The following AKT3 variants were observed in gnomAD, a reference collection of about 807,000 sequenced individuals.
AKT3 encodes AKT serine/threonine kinase 3.
AKT3 carries 15 observed loss-of-function variants against 65.3 expected under a neutral mutation model. That is an observed-to-expected ratio of 0.23 (90% confidence interval 0.15 to 0.35). The LOEUF (loss-of-function observed/expected upper bound fraction) is 0.35. Ranked by LOEUF, AKT3 falls within the 10% of genes least tolerant of loss-of-function variation. The pLI is 1.00. For missense variants in AKT3, 243 were observed against 576.5 expected (o/e 0.42, Z 5.92); for synonymous variants, 206 against 183.8 (o/e 1.12, Z -0.98).
chr1:243,492,364 C>T (rs1165051367), intron 13 of AKT3, among the ~76,000 whole-genome samples: 2 of 117,306 alleles, frequency 1.7e-5, no homozygotes, highest in African/African-American at 6.6e-5. Flanking sequence ...TACAGTGGTG[C>T]AATCTCTGCT....
At chr1:243,831,521 A>G (rs1285362951) in intron 2 of AKT3, among the ~76,000 whole-genome samples, 1 of 152,232 alleles carries the variant, frequency 6.6e-6, no homozygotes, top group Non-Finnish European at 1.5e-5. Flanking sequence ...AATTAGTGGT[A>G]GGTGCAGGGC....
At chr1:243,820,404 A>G (rs1269723915) in intron 2 of AKT3, among the ~76,000 whole-genome samples, 1 of 152,186 alleles carries the variant, frequency 6.6e-6, no homozygotes, top group Non-Finnish European at 1.5e-5. Context: ...TTCTCCTCCA[A>G]ATGATCACAA....
chr1:243,687,599 G>C (rs1320792730), intron 3 of AKT3: 1 of 151,982 alleles, frequency 6.6e-6, no homozygotes, highest in Non-Finnish European at 1.5e-5. Flanking sequence ...CATTAAGATG[G>C]GATACACTTT....
chr1:243,695,526 A>T, intron 3 of AKT3, 65 bp downstream of exon 3: 1 of 1,440,376 alleles, frequency 6.9e-7, no homozygotes, highest in Non-Finnish European at 9.4e-7. Context: ...AGCCTAAGAT[A>T]TCTGACACAT....
Position 243,563,704 on chromosome 1 carries a change from T to C in AKT3, c.948+16A>G, listed in dbSNP as rs746494712. 6.3e-7 allele frequency: 1 copy of C among 1,588,880 alleles called. No individual in the cohort carries two copies. Among genetic ancestry groups the C allele is most frequent in the South Asian group, 1.2e-5 (1 of 85,942 alleles). The stretch of plus-strand genomic sequence containing the variant: ...TATGTCAATGTTACTTTCCTATTAA[T>C]GGAACCGAAGCCTACCTCTGGTGCC... On this transcript the variant is annotated intron_variant, in intron 10 of 13. Coordinates refer to ENST00000673466, the MANE Select transcript of AKT3 (RefSeq NM_005465.7).
intron 8 of AKT3, among the ~76,000 whole-genome samples, chr1:243,598,426 T>C (rs1358848462): frequency 6.6e-6 from 1 of 152,204 alleles, no homozygotes; most frequent in African/African-American, 2.4e-5. Flanking sequence ...AGCCATGCTA[T>C]AGGAATACAG....
intron 5 of AKT3, among the ~76,000 whole-genome samples, chr1:243,642,805 G>A (rs1440661047): frequency 9.2e-5 from 14 of 152,192 alleles, no homozygotes; most frequent in African/African-American, 3.1e-4. Flanking sequence ...GTTCAAATCA[G>A]GCACACCAGA....
chr1:243,618,829 G>A (rs1422049445), intron 6 of AKT3, among the ~76,000 whole-genome samples: 1 of 151,828 alleles, frequency 6.6e-6, no homozygotes, highest in Admixed American at 6.6e-5. Flanking sequence ...TGACCCTCTC[G>A]ATGTTTTGTG....
At chr1:243,548,826 A>G (rs1330474205) in intron 11 of AKT3, among the ~76,000 whole-genome samples, 1 of 152,198 alleles carries the variant, frequency 6.6e-6, no homozygotes, top group Non-Finnish European at 1.5e-5. Flanking sequence ...ACTAAGAAAT[A>G]AAAGCAAAAT....
chr1:243,758,402 C>T (rs1430370264), intron 2 of AKT3, among the ~76,000 whole-genome samples: 3 of 152,024 alleles, frequency 2.0e-5, no homozygotes, highest in Non-Finnish European at 4.4e-5. Flanking sequence ...GTTTTCTTGA[C>T]ATAGGGAATA....
intron 12 of AKT3, among the ~76,000 whole-genome samples, chr1:243,519,100 C>T (rs1433236371): frequency 1.3e-5 from 2 of 152,144 alleles, no homozygotes; most frequent in Non-Finnish European, 2.9e-5. Context: ...AAGCCAGCAG[C>T]GACAGACCAT....
downstream of AKT3, among the ~76,000 whole-genome samples, chr1:243,498,440 T>A (rs74777638): frequency 6.6e-6 from 1 of 152,022 alleles, no homozygotes; most frequent in Non-Finnish European, 1.5e-5. Context: ...GTGCATGGGA[T>A]GGCAGGTTTA....
chr1:243,770,176 A>G (rs1330151846), intron 2 of AKT3, among the ~76,000 whole-genome samples: 7 of 152,180 alleles, frequency 4.6e-5, no homozygotes, highest in African/African-American at 1.7e-4. Context: ...TCTCTCCTCT[A>G]TGTCTCTTTT....
In AKT3 at chr1:243,620,083, G is replaced by A. The variant is rs1417492433; in HGVS notation, c.562-4922C>T. ...CCCATAATCCCTACATGTCGAGGGAGAGACCTGCTGGGAGGTGACTGGGAT... is the reference window on the plus strand; with the variant it reads ...CCCATAATCCCTACATGTCGAGGGAAAGACCTGCTGGGAGGTGACTGGGAT... On this transcript the variant is annotated intron_variant, in intron 6 of 13. Transcript: ENST00000673466. Among the ~76,000 whole-genome samples, 8 of 98,328 alleles carry A rather than the reference G, an allele frequency of 8.1e-5. 1 individual carries two copies. Among genetic ancestry groups the A allele is most frequent in the African/African-American group, 2.1e-4 (8 of 38,104 alleles). The allele number at this position is 98,328 out of a possible 152,430, so 64.5% of individuals were successfully genotyped here.
intron 13 of AKT3, among the ~76,000 whole-genome samples, chr1:243,507,929 T>C (rs1268215101): frequency 2.6e-5 from 4 of 152,220 alleles, no homozygotes; most frequent in South Asian, 2.1e-4. Context: ...GGCATGTCAC[T>C]GCAGCTGTTT....
At chr1:243,768,708 G>T (rs979518810) in intron 2 of AKT3, among the ~76,000 whole-genome samples, 1 of 151,764 alleles carries the variant, frequency 6.6e-6, no homozygotes, top group Non-Finnish European at 1.5e-5. Context: ...AGAGGCATGC[G>T]CCTGTAATCC....
chr1:243,659,543 T>C (rs912398926), intron 4 of AKT3, among the ~76,000 whole-genome samples: 2 of 152,104 alleles, frequency 1.3e-5, no homozygotes, highest in Non-Finnish European at 2.9e-5. Context: ...GGCCATGTGG[T>C]GTTAATGCTA....
intron 2 of AKT3, among the ~76,000 whole-genome samples, chr1:243,842,508 A>C (rs1304620460): frequency 6.6e-6 from 1 of 152,226 alleles, no homozygotes; most frequent in Non-Finnish European, 1.5e-5. Flanking sequence ...TAATGTGCTT[A>C]AGTTATTTAT....
intron 2 of AKT3, among the ~76,000 whole-genome samples, chr1:243,831,290 A>G (rs1467844340): frequency 6.6e-6 from 1 of 152,254 alleles, no homozygotes; most frequent in Non-Finnish European, 1.5e-5. Context: ...GAAAGGAGAA[A>G]TAACAGATCT....
Sources: allele counts gnomAD v4.1 joint callset (sites outside exome capture counted in the v4.1 genomes callset), GRCh38; gene constraint gnomAD v4.1.1; transcripts MANE v1.5; gene names NCBI Gene and HGNC (gene_info 2026-07-23, HGNC 2026-07-21).